CDH12: variants seen among roughly 807,000 people sequenced by gnomAD.
CDH12 encodes the protein cadherin 12.
A neutral mutation model predicts 74.1 loss-of-function variants in CDH12; 41 were observed. The ratio of observed to expected loss-of-function variants is 0.55; its 90% CI spans 0.43 to 0.72. The LOEUF is 0.72. Ranked by LOEUF, CDH12 falls within the 30% of genes least tolerant of loss-of-function variation. The pLI, the probability that CDH12 is intolerant of heterozygous loss-of-function variation, is 0.00. For missense variants in CDH12, 945 were observed against 977.2 expected, an observed-to-expected ratio of 0.97 and a Z score of 0.44; for synonymous variants, 399 against 355.0, an observed-to-expected ratio of 1.12 and a Z score of -1.39.
At chr5:22,685,898 A>T (rs1170684732) in intron 1 of CDH12, among the ~76,000 whole-genome samples, 1 of 152,094 alleles carries the variant, frequency 6.6e-6, no homozygotes, top group East Asian at 1.9e-4. Context: ...TTTATTTTTC[A>T]TATATATGCT....
chr5:22,688,524 C>T (rs938347440), intron 1 of CDH12, among the ~76,000 whole-genome samples: 2 of 152,060 alleles, frequency 1.3e-5, no homozygotes, highest in East Asian at 1.9e-4. Flanking sequence ...TAGTGGATCC[C>T]GCAGCGATGG....
rs142880545 is a variant in CDH12, at chr5:22,687,390, T to C, written c.-523+165668A>G. Among the ~76,000 whole-genome samples the C allele has an allele frequency of 2.4e-4, 36 of 152,286 alleles. 1 individual carries two copies. Among genetic ancestry groups the C allele is most frequent in the African/African-American group, 8.4e-4 (35 of 41,570 alleles). On this transcript the variant is annotated intron_variant, in intron 1 of 14. Coordinates refer to ENST00000382254, the MANE Select transcript of CDH12 (RefSeq NM_004061.5). ...TTATGTTGAGACAAATATAGCACTG[T>C]AAAATTCCTCCACACTTTTTTGTTT...
chr5:22,729,780 G>A (rs1412024285), intron 1 of CDH12, among the ~76,000 whole-genome samples: 1 of 151,884 alleles, frequency 6.6e-6, no homozygotes, highest in African/African-American at 2.4e-5. Context: ...AAGAATGCCA[G>A]CCTATGTGAT....
intron 3 of CDH12, among the ~76,000 whole-genome samples, chr5:22,294,007 A>C (rs1329419955): frequency 1.3e-5 from 2 of 152,188 alleles, no homozygotes; most frequent in Non-Finnish European, 2.9e-5. Flanking sequence ...ATGTGAGGTA[A>C]TGCATATGTT....
chr5:22,270,640 T>C (rs954369815), intron 3 of CDH12, among the ~76,000 whole-genome samples: 3 of 151,096 alleles, frequency 2.0e-5, no homozygotes, highest in African/African-American at 7.3e-5. Context: ...CACACACACA[T>C]CTATATATAT....
At chr5:22,388,420 A>G (rs1247420503) in intron 3 of CDH12, among the ~76,000 whole-genome samples, 1 of 152,108 alleles carries the variant, frequency 6.6e-6, no homozygotes, top group African/African-American at 2.4e-5. Flanking sequence ...GAGGATAAAA[A>G]TAATTAAAAG....
Position 22,565,723 on chromosome 5 carries a change from A to T in CDH12, c.-522-60359T>A, listed in dbSNP as rs1012277764. 3.3e-5 allele frequency among the ~76,000 whole-genome samples: 5 copies of T among 152,182 alleles called. No individual in the cohort carries two copies. The South Asian group carries it at 1.0e-3, about 31-fold the overall frequency. On this transcript the variant is annotated intron_variant, in intron 1 of 14. Coordinates refer to ENST00000382254, the MANE Select transcript of CDH12 (RefSeq NM_004061.5). ...CAGTGCCTCAGAGACAGTAAAAGCCATGTCAAGGACAGGCAGATAGCAACA... is the reference window on the plus strand; with the variant it reads ...CAGTGCCTCAGAGACAGTAAAAGCCTTGTCAAGGACAGGCAGATAGCAACA...
intron 5 of CDH12, among the ~76,000 whole-genome samples, chr5:22,068,327 G>A (rs529116172): frequency 2.6e-5 from 4 of 152,294 alleles, no homozygotes; most frequent in Non-Finnish European, 4.4e-5. Flanking sequence ...TCAGCTGAGA[G>A]AGAAAGAGAA....
In CDH12 at chr5:22,797,751, T is replaced by C. The variant is rs77877375; in HGVS notation, c.-523+55307A>G. 8.3e-3 allele frequency among the ~76,000 whole-genome samples: 1,262 copies of C among 152,260 alleles called. 23 individuals carry two copies. The highest frequency in any genetic ancestry group is 0.029 in the African/African-American group (1,218 of 41,550). Reference sequence around the variant, plus strand: ...CTCATTTAAATTGTAAATCTCAAGTTTTTTATTTGAATACAATTTCTATTA... The same window carrying C: ...CTCATTTAAATTGTAAATCTCAAGTCTTTTATTTGAATACAATTTCTATTA... On this transcript the variant is annotated intron_variant, in intron 1 of 14. Transcript: ENST00000382254.
In CDH12 at chr5:22,736,715, A is replaced by AACAC. The variant is rs570215184; in HGVS notation, c.-523+116339_-523+116342dup. 4.3e-3 allele frequency among the ~76,000 whole-genome samples: 655 copies of AACAC among 150,898 alleles called. 4 individuals carry two copies. The highest frequency in any genetic ancestry group is 6.6e-3 in the Non-Finnish European group (442 of 67,466). ...ATACAACCTGAAGGCTGAAAGTTTA[A>AACAC]ACACACACACACACACACAAAAAGC... On this transcript the variant is annotated intron_variant, in intron 1 of 14. Transcript: ENST00000382254.
At position 21,810,257 on chromosome 5, in the gene CDH12, A is replaced by T. The variant is rs76599744; in HGVS notation, c.1002+6688T>A. Among the ~76,000 whole-genome samples, 6 of 152,258 alleles carry T rather than the reference A, an allele frequency of 3.9e-5. No homozygotes were observed. In the East Asian group the frequency reaches 1.2e-3, roughly 29 times the overall value. On this transcript the variant is annotated intron_variant, in intron 9 of 14. Transcript: ENST00000382254. ...CTAAATAGATTTCTTTCATTCCCCCATGAATAAAAAGATTAGTTGGAGGAA... is the reference window on the plus strand; with the variant it reads ...CTAAATAGATTTCTTTCATTCCCCCTTGAATAAAAAGATTAGTTGGAGGAA...
At chr5:22,332,127 T>C (rs1342884330) in intron 3 of CDH12, among the ~76,000 whole-genome samples, 1 of 152,112 alleles carries the variant, frequency 6.6e-6, no homozygotes, top group Admixed American at 6.5e-5. Context: ...TTTCCAAACC[T>C]AGAGAAAGAT....
intron 6 of CDH12, among the ~76,000 whole-genome samples, chr5:21,894,211 T>A (rs1344393811): frequency 4.0e-5 from 6 of 151,790 alleles, no homozygotes; most frequent in Non-Finnish European, 2.9e-5. Context: ...ACACCTTGTC[T>A]CTACTAAAAA....
chr5:21,883,104 G>A, intron 6 of CDH12: 2 of 1,598,552 alleles, frequency 1.3e-6, no homozygotes, highest in Non-Finnish European at 1.7e-6. Context: ...TGCACAGGTT[G>A]CTATGATTTC....
At chr5:22,170,725 C>A (rs532441152) in intron 4 of CDH12, among the ~76,000 whole-genome samples, 1 of 151,896 alleles carries the variant, frequency 6.6e-6, no homozygotes, top group African/African-American at 2.4e-5. Context: ...ACAATCTAAC[C>A]TCTGGCAGCA....
At chr5:22,225,371 T>A (rs1375674835) in intron 3 of CDH12, among the ~76,000 whole-genome samples, 1 of 152,100 alleles carries the variant, frequency 6.6e-6, no homozygotes, top group Non-Finnish European at 1.5e-5. Context: ...GCTTCCCAGT[T>A]TTCCAGGCTT....
chr5:22,564,869 G>C (rs1156849049), intron 1 of CDH12, among the ~76,000 whole-genome samples: 1 of 152,150 alleles, frequency 6.6e-6, no homozygotes, highest in Non-Finnish European at 1.5e-5. Flanking sequence ...AGAAACATGG[G>C]AGTGCAGATA....
chr5:22,316,547 C>T (rs529398294), intron 3 of CDH12, among the ~76,000 whole-genome samples: 6 of 152,142 alleles, frequency 3.9e-5, no homozygotes, highest in African/African-American at 1.2e-4. Flanking sequence ...TCCTCAAAAA[C>T]AACCAAATAC....
At chr5:22,015,919 AT>A (rs1284116334) in intron 5 of CDH12, among the ~76,000 whole-genome samples, 1 of 152,146 alleles carries the variant, frequency 6.6e-6, no homozygotes, top group Non-Finnish European at 1.5e-5. Flanking sequence ...ATTAGTAATT[AT>A]TTTTTAAAAG....
Sources: gnomAD v4.1 joint callset for allele counts (sites outside exome capture counted in the v4.1 genomes callset) on GRCh38, gnomAD v4.1.1 for gene constraint, MANE v1.5 for transcripts, NCBI Gene and HGNC (gene_info 2026-07-23, HGNC 2026-07-21) for gene names.